The following CNBD1 variants were observed in gnomAD, a reference collection of about 807,000 sequenced individuals.
The protein encoded by CNBD1 is cyclic nucleotide binding domain containing 1, also known as cyclic nucleotide-binding domain-containing protein 1.
A neutral mutation model predicts 54.4 loss-of-function variants in CNBD1; 71 were observed. That is an observed-to-expected ratio of 1.30 (90% CI 1.08 to 1.59). CNBD1 has a LOEUF of 1.59. CNBD1 is among the 40% of genes most tolerant of loss of function. The pLI, the probability that CNBD1 is intolerant of heterozygous loss-of-function variation, is 0.00. For missense variants in CNBD1, 659 were observed against 518.0 expected (o/e 1.27, Z -2.64); for synonymous variants, 182 against 170.7 (o/e 1.07, Z -0.51).
intron 2 of CNBD1, among the ~76,000 whole-genome samples, chr8:86,896,239 A>G (rs1017404402): frequency 6.6e-6 from 1 of 152,016 alleles, no homozygotes; most frequent in African/African-American, 2.4e-5. Flanking sequence ...ATTTTTATGT[A>G]TTGTTTTTAA....
intron 4 of CNBD1, among the ~76,000 whole-genome samples, chr8:86,988,189 A>G (rs1280306593): frequency 7.5e-6 from 1 of 132,980 alleles, no homozygotes; most frequent in Non-Finnish European, 1.6e-5. Context: ...GAAATTCACT[A>G]TTGGTCTATT....
At chr8:87,023,442 T>A (rs1809531119) in intron 4 of CNBD1, among the ~76,000 whole-genome samples, 1 of 152,228 alleles carries the variant, frequency 6.6e-6, no homozygotes, top group Non-Finnish European at 1.5e-5. Context: ...GAAAAATGTA[T>A]CACATCCAAA....
intron 2 of CNBD1, among the ~76,000 whole-genome samples, chr8:87,391,277 A>G (rs1811304557): frequency 1.3e-5 from 2 of 152,034 alleles, no homozygotes; most frequent in African/African-American, 4.8e-5. Flanking sequence ...AAAGATAACG[A>G]TTGCAGATAC....
In CNBD1 at chr8:87,367,166, A is replaced by C. The variant is rs1366905139; in HGVS notation, c.1303+13380A>C. ...AAAGTCTACATGGGAAGACACTCCT[A>C]TATTCTTTGTCCTGACAAACTTTGA... is the stretch of plus-strand genomic sequence containing the variant. On this transcript the variant is annotated intron_variant, in intron 10 of 10. Coordinates refer to ENST00000518476, the MANE Select transcript of CNBD1 (RefSeq NM_173538.3). 2.0e-5 allele frequency among the ~76,000 whole-genome samples: 3 copies of C among 152,034 alleles called. No individual in the cohort carries two copies. In the East Asian group the frequency reaches 5.8e-4, roughly 29 times the overall value.
At chr8:87,311,185 T>G (rs1809255462) in intron 8 of CNBD1, among the ~76,000 whole-genome samples, 1 of 151,874 alleles carries the variant, frequency 6.6e-6, no homozygotes, top group South Asian at 2.1e-4. Context: ...GGAGAAAATA[T>G]TCACAAACAA....
rs545490231 is a variant in CNBD1 at position 87,328,037 on chromosome 8, T to C, written c.1043-23648T>C. 2.6e-5 allele frequency among the ~76,000 whole-genome samples: 4 copies of C among 152,014 alleles called. No homozygotes were observed. In the South Asian group the frequency reaches 8.3e-4, roughly 32 times the overall value. On this transcript the variant is annotated intron_variant, in intron 8 of 10. Coordinates refer to ENST00000518476, the MANE Select transcript of CNBD1 (RefSeq NM_173538.3). ...AGAAAATGCAGGTTTGTTCCATAGG[T>C]ATATATATACCATGGTGGTTTGCTG...
At chr8:87,341,833 T>A (rs972019235) in intron 8 of CNBD1, among the ~76,000 whole-genome samples, 21 of 152,330 alleles carry the variant, frequency 1.4e-4, no homozygotes, top group East Asian at 5.8e-4. Flanking sequence ...TCCAGAATTG[T>A]GAAAAAATGT....
intron 4 of CNBD1, among the ~76,000 whole-genome samples, chr8:87,036,236 G>A (rs1204957666): frequency 6.6e-6 from 1 of 152,104 alleles, no homozygotes; most frequent in Non-Finnish European, 1.5e-5. Flanking sequence ...CACCATTTAT[G>A]TTTCTTCCTC....
At chr8:87,106,316 C>G (rs1201792592) in intron 4 of CNBD1, among the ~76,000 whole-genome samples, 1 of 151,972 alleles carries the variant, frequency 6.6e-6, no homozygotes, top group Non-Finnish European at 1.5e-5. Flanking sequence ...TGGGTTCAAG[C>G]AATTCTCATG....
chr8:87,308,847 C>G (rs1031182824), intron 8 of CNBD1, among the ~76,000 whole-genome samples: 18 of 152,112 alleles, frequency 1.2e-4, no homozygotes, highest in African/African-American at 4.3e-4. Flanking sequence ...CAATATATGT[C>G]TTTATGTGCC....
At chr8:87,330,418 G>T (rs1809800623) in intron 8 of CNBD1, among the ~76,000 whole-genome samples, 1 of 150,454 alleles carries the variant, frequency 6.6e-6, no homozygotes, top group Non-Finnish European at 1.5e-5. Context: ...TTCCTTTCTT[G>T]ATTTCTTAAT....
chr8:87,231,428 A>G (rs537230598), intron 5 of CNBD1, among the ~76,000 whole-genome samples: 1 of 152,176 alleles, frequency 6.6e-6, no homozygotes, highest in South Asian at 2.1e-4. Flanking sequence ...GTGTCTTCAA[A>G]TACTGGCTCT....
chr8:87,121,909 T>C (rs1811899080), intron 4 of CNBD1, among the ~76,000 whole-genome samples: 1 of 151,538 alleles, frequency 6.6e-6, no homozygotes, highest in African/African-American at 2.4e-5. Context: ...CACACACATA[T>C]GACATATAAT....
chr8:86,963,379 G>A (rs1031348149), intron 4 of CNBD1, among the ~76,000 whole-genome samples: 6 of 152,142 alleles, frequency 3.9e-5, no homozygotes, highest in Non-Finnish European at 7.3e-5. Flanking sequence ...TGTGCCCTTC[G>A]ACTCCCGCTG....
intron 8 of CNBD1, among the ~76,000 whole-genome samples, chr8:87,338,986 T>G (rs1344678628): frequency 6.6e-6 from 1 of 152,162 alleles, no homozygotes; most frequent in Non-Finnish European, 1.5e-5. Flanking sequence ...AGTTTTCTCT[T>G]CCTTTAGGTG....
At chr8:87,183,540 A>AC (rs1813409416) in intron 4 of CNBD1, among the ~76,000 whole-genome samples, 1 of 151,788 alleles carries the variant, frequency 6.6e-6, no homozygotes, top group Admixed American at 6.6e-5. Context: ...TGTTCCAGCC[A>AC]TTTCAGTCTG....
At chr8:87,117,582 CTT>C (rs1811801512) in intron 4 of CNBD1, among the ~76,000 whole-genome samples, 1 of 152,106 alleles carries the variant, frequency 6.6e-6, no homozygotes, top group Non-Finnish European at 1.5e-5. Flanking sequence ...TCAGTTTCCT[CTT>C]TTTATTTACT....
At chr8:86,969,423 T>C (rs1382222929) in intron 4 of CNBD1, among the ~76,000 whole-genome samples, 1 of 152,130 alleles carries the variant, frequency 6.6e-6, no homozygotes, top group Non-Finnish European at 1.5e-5. Flanking sequence ...TGAAAACCAC[T>C]ACCAGTGGCA....
intron 4 of CNBD1, among the ~76,000 whole-genome samples, chr8:87,084,003 T>C (rs1054600275): frequency 4.1e-4 from 63 of 152,340 alleles, no homozygotes; most frequent in African/African-American, 1.5e-3. Flanking sequence ...TCCTGAGGGC[T>C]ATGTCATGGC....
Sources: allele counts gnomAD v4.1 joint callset (sites outside exome capture counted in the v4.1 genomes callset), GRCh38; gene constraint gnomAD v4.1.1; transcripts MANE v1.5; gene names NCBI Gene and HGNC (gene_info 2026-07-23, HGNC 2026-07-21).